The following GABRB2 variants were observed in gnomAD, a reference collection of about 807,000 sequenced individuals.
The protein encoded by GABRB2 is gamma-aminobutyric acid type A receptor subunit beta2, also known as gamma-aminobutyric acid receptor subunit beta-2.
A neutral mutation model predicts 54.7 loss-of-function variants in GABRB2; 16 were observed. The ratio of observed to expected loss-of-function variants is 0.29; its 90% CI spans 0.20 to 0.44. GABRB2 has a LOEUF of 0.44. GABRB2 is among the 20% of genes least tolerant of loss of function. The probability of loss-of-function intolerance (pLI) is 1.00; values close to 1 mark genes in which losing one functional copy is unlikely to be tolerated. For synonymous variants in GABRB2, 244 were observed against 233.8 expected (o/e 1.04, Z -0.40); for missense variants, 355 against 644.0 (o/e 0.55, Z 4.86).
At chr5:161,350,753 T>A (rs1051596992) in intron 5 of GABRB2, among the ~76,000 whole-genome samples, 1 of 152,098 alleles carries the variant, frequency 6.6e-6, no homozygotes, top group Non-Finnish European at 1.5e-5. Flanking sequence ...CAGAGGAACA[T>A]GGAAGGACTA....
At chr5:161,320,868 T>C (rs1317608805) in intron 9 of GABRB2, among the ~76,000 whole-genome samples, 1 of 152,028 alleles carries the variant, frequency 6.6e-6, no homozygotes, top group African/African-American at 2.4e-5. Flanking sequence ...TCTTTATCTC[T>C]ATTTCTGACA....
chr5:161,491,064 T>C (rs1759081291), intron 3 of GABRB2, among the ~76,000 whole-genome samples: 1 of 151,660 alleles, frequency 6.6e-6, no homozygotes. Context: ...GCCAGCATTA[T>C]AAAATTAAAC....
chr5:161,424,404 A>C (rs372170369), intron 4 of GABRB2, among the ~76,000 whole-genome samples: 2 of 152,104 alleles, frequency 1.3e-5, no homozygotes, highest in South Asian at 4.1e-4. Context: ...GGTGACTTTA[A>C]GTTGAATGTA....
intron 4 of GABRB2, among the ~76,000 whole-genome samples, chr5:161,455,333 C>A (rs1470564185): frequency 6.6e-6 from 1 of 152,088 alleles, no homozygotes; most frequent in Non-Finnish European, 1.5e-5. Context: ...ACCCACTGAG[C>A]CACACATCCT....
intron 9 of GABRB2, among the ~76,000 whole-genome samples, chr5:161,294,969 A>G (rs1757342141): frequency 6.6e-6 from 1 of 152,212 alleles, no homozygotes. Flanking sequence ...ATGTTTCTTA[A>G]AACCCCCAGT....
intron 5 of GABRB2, among the ~76,000 whole-genome samples, chr5:161,355,790 G>T (rs1754604898): frequency 2.6e-5 from 4 of 152,044 alleles, no homozygotes; most frequent in Admixed American, 2.6e-4. Context: ...TATTTAGATG[G>T]AAGCTTTGCC....
intron 5 of GABRB2, among the ~76,000 whole-genome samples, chr5:161,361,694 T>A (rs1440813350): frequency 6.6e-6 from 1 of 152,190 alleles, no homozygotes; most frequent in Non-Finnish European, 1.5e-5. Flanking sequence ...TTTTTACTTT[T>A]TCATTTTTTA....
intron 5 of GABRB2, among the ~76,000 whole-genome samples, chr5:161,359,015 C>G (rs549888553): frequency 1.3e-5 from 2 of 152,224 alleles, no homozygotes; most frequent in African/African-American, 4.8e-5. Flanking sequence ...TGCATGGAAA[C>G]AGCTTTGCCT....
chr5:161,378,675 C>T (rs994192578), intron 5 of GABRB2, among the ~76,000 whole-genome samples: 13 of 152,140 alleles, frequency 8.5e-5, no homozygotes, highest in African/African-American at 3.1e-4. Flanking sequence ...TAACCTATTC[C>T]TATTATGCTA....
At chr5:161,349,941 A>G (rs1214151377) in intron 5 of GABRB2, among the ~76,000 whole-genome samples, 2 of 152,164 alleles carry the variant, frequency 1.3e-5, no homozygotes, top group East Asian at 3.9e-4. Context: ...AAGTTATAAA[A>G]TAAGAAATGT....
At chr5:161,431,743 T>G (rs1354200888) in intron 4 of GABRB2, among the ~76,000 whole-genome samples, 3 of 152,188 alleles carry the variant, frequency 2.0e-5, no homozygotes, top group Non-Finnish European at 4.4e-5. Flanking sequence ...ATATACCACT[T>G]ACATCCTTAG....
intron 5 of GABRB2, among the ~76,000 whole-genome samples, chr5:161,374,918 T>C (rs1406792836): frequency 6.6e-6 from 1 of 152,198 alleles, no homozygotes; most frequent in Non-Finnish European, 1.5e-5. Context: ...GGGCTCATGG[T>C]GCGTAGTAGA....
chr5:161,313,991 A>T (rs886404532), intron 9 of GABRB2, among the ~76,000 whole-genome samples: 3 of 152,224 alleles, frequency 2.0e-5, no homozygotes, highest in Non-Finnish European at 4.4e-5. Flanking sequence ...TTGTGAGAAA[A>T]GTTTCGTGTT....
intron 3 of GABRB2, among the ~76,000 whole-genome samples, chr5:161,476,913 G>C (rs1758607462): frequency 6.6e-6 from 1 of 151,796 alleles, no homozygotes; most frequent in Non-Finnish European, 1.5e-5. Flanking sequence ...AATAGCTTCA[G>C]CAACAATAGA....
Position 161,370,258 on chromosome 5 carries a change from G to A in GABRB2, c.542-33489C>T, listed in dbSNP as rs533589143. ...TTGCTAAAAAGGAGGACTATAGTGA[G>A]TTAAAGCAAGTATCATTTGGTGTCC... On this transcript the variant is annotated intron_variant, in intron 5 of 9. Coordinates refer to ENST00000393959, the MANE Select transcript of GABRB2 (RefSeq NM_001371727.1). Among the ~76,000 whole-genome samples the A allele has an allele frequency of 3.9e-5, 6 of 152,300 alleles. No individual in the cohort carries two copies. In the South Asian group the frequency reaches 1.0e-3, roughly 26 times the overall value.
chr5:161,342,977 T>C (rs1489807947), intron 5 of GABRB2, among the ~76,000 whole-genome samples: 2 of 152,058 alleles, frequency 1.3e-5, no homozygotes, highest in African/African-American at 2.4e-5. Context: ...AGTCCACCGT[T>C]AGAATGAAAT....
At chr5:161,350,894 C>A (rs1034321223) in intron 5 of GABRB2, among the ~76,000 whole-genome samples, 31 of 152,060 alleles carry the variant, frequency 2.0e-4, no homozygotes, top group African/African-American at 6.3e-4. Flanking sequence ...GGGTCTCTGG[C>A]CTTTGGTCAC....
chr5:161,350,547 A>G (rs1754443320), intron 5 of GABRB2, among the ~76,000 whole-genome samples: 1 of 152,146 alleles, frequency 6.6e-6, no homozygotes, highest in South Asian at 2.1e-4. Flanking sequence ...ATACAAAGAA[A>G]TGAAAAGATA....
chr5:161,325,179 T>A (rs140786255), intron 9 of GABRB2, among the ~76,000 whole-genome samples: 1 of 152,080 alleles, frequency 6.6e-6, no homozygotes, highest in East Asian at 1.9e-4. Flanking sequence ...TAATGCCCAA[T>A]CAAATCAGTC....
Sources: allele counts gnomAD v4.1 joint callset (sites outside exome capture counted in the v4.1 genomes callset), GRCh38; gene constraint gnomAD v4.1.1; transcripts MANE v1.5; gene names NCBI Gene and HGNC (gene_info 2026-07-23, HGNC 2026-07-21).